CPT2: variants seen among roughly 807,000 people sequenced by gnomAD.
CPT2 encodes the protein carnitine O-palmitoyltransferase 2, mitochondrial.
In CPT2, 37 loss-of-function variants were observed where a neutral mutation model predicts 48.6. The ratio of observed to expected loss-of-function variants is 0.76; its 90% CI spans 0.59 to 1.00. The LOEUF is 1.00. Ranked by LOEUF, CPT2 falls within the 50% of genes least tolerant of loss-of-function variation. CPT2 has a pLI of 0.00. For synonymous variants in CPT2, 319 were observed against 326.9 expected, an observed-to-expected ratio of 0.98 and a Z score of 0.26; for missense variants, 772 against 825.6, an observed-to-expected ratio of 0.94 and a Z score of 0.80.
Position 53,213,850 on chromosome 1 carries a change from C to A in CPT2, c.*255C>A. 2.3e-6 allele frequency: 1 copy of A among 443,144 alleles called. No homozygotes were observed. Among genetic ancestry groups the A allele is most frequent in the Non-Finnish European group, 4.2e-6 (1 of 238,480 alleles). 27.5% of individuals were successfully genotyped at this position (443,144 alleles called of 1,614,324 possible). ...AGGTTGAAGCAGAATTGCTTGAACCCAGGAGGTGGAGGTTGCAGTGAGCTG... is the reference window on the plus strand; with the variant it reads ...AGGTTGAAGCAGAATTGCTTGAACCAAGGAGGTGGAGGTTGCAGTGAGCTG... On this transcript the variant is annotated 3_prime_UTR_variant, in exon 5 of 5. Transcript: ENST00000371486.
In CPT2 at chr1:53,211,557, T is replaced by G. The variant is rs1227915657; in HGVS notation, c.1645+238T>G. 6 of 548,036 alleles carry G rather than the reference T, an allele frequency of 1.1e-5. No individual in the cohort carries two copies. In the Admixed American group the frequency reaches 1.9e-4, roughly 18 times the overall value. The allele number at this position is 548,036 out of a possible 1,614,324, so 33.9% of individuals were successfully genotyped here. ...GAAATGCATGTGTCTTTGTCCTCAT[T>G]TAAGGTCACTTTCAGCTGTGACGCA... On this transcript the variant is annotated intron_variant, in intron 4 of 4. Transcript: ENST00000371486.
At position 53,213,676 on chromosome 1, in the gene CPT2, C is replaced by T. The variant is rs1035232426; in HGVS notation, c.*81C>T. ...GGGCATGGTGGCTCATGCCTGTAATCCCAGCATTTTGAGAGGCTGAGGCGG... is the reference window on the plus strand; with the variant it reads ...GGGCATGGTGGCTCATGCCTGTAATTCCAGCATTTTGAGAGGCTGAGGCGG... On this transcript the variant is annotated 3_prime_UTR_variant, in exon 5 of 5. Transcript: ENST00000371486. 12 of 1,315,490 alleles carry T rather than the reference C, an allele frequency of 9.1e-6. No homozygotes were observed. The highest frequency in any genetic ancestry group is 1.3e-5 in the Non-Finnish European group (12 of 938,596). The allele number at this position is 1,315,490 out of a possible 1,614,324, so 81.5% of individuals were successfully genotyped here.
chr1:53,207,484 C>G (rs994273647), intron 3 of CPT2: 3 of 152,144 alleles, frequency 2.0e-5, no homozygotes, highest in Non-Finnish European at 2.9e-5. Context: ...TTTTTTGAGA[C>G]AGAGTCTCAT....
chr1:53,212,926 T>C (rs1645439001), intron 4 of CPT2: 2 of 494,188 alleles, frequency 4.0e-6, no homozygotes, highest in Non-Finnish European at 7.1e-6. Flanking sequence ...TTTATTGTAG[T>C]TTTTGAGTCC....
At chr1:53,204,859 C>T (rs1305535354) in intron 3 of CPT2, among the ~76,000 whole-genome samples, 3 of 152,204 alleles carry the variant, frequency 2.0e-5, no homozygotes, top group Non-Finnish European at 4.4e-5. Context: ...ATGTGCCTTG[C>T]TTCCCCTTCA....
chr1:53,206,834 G>C (rs955591666), intron 3 of CPT2, among the ~76,000 whole-genome samples: 1 of 152,234 alleles, frequency 6.6e-6, no homozygotes, highest in Non-Finnish European at 1.5e-5. Flanking sequence ...GCTGGAATGA[G>C]TTAAGACTCT....
At position 53,196,836 on chromosome 1, in the gene CPT2, C is replaced by T. The variant is rs1015172806; in HGVS notation, c.-108C>T. 70 of 1,403,238 alleles carry T rather than the reference C, an allele frequency of 5.0e-5. No individual in the cohort carries two copies. Among genetic ancestry groups the T allele is most frequent in the Non-Finnish European group, 6.2e-5 (64 of 1,036,202 alleles). The allele number at this position is 1,403,238 out of a possible 1,614,324, so 86.9% of individuals were successfully genotyped here. A position where few individuals can be genotyped will look rare whatever the true frequency, so the allele number is the denominator to read the frequency against. On this transcript the variant is annotated 5_prime_UTR_variant, in exon 1 of 5. Transcript: ENST00000371486. ...GTGGCCTGCGGGCGGAGAAGTGCCT[C>T]AGGAGTCCTGACGCAGTGTCTTGGG...
chr1:53,203,775 C>CTTTCTTTTTT (rs1557714559), intron 3 of CPT2: 1 of 66,860 alleles, frequency 1.5e-5, no homozygotes, highest in Non-Finnish European at 4.0e-5. Flanking sequence ...TTGGCTTTTT[C>CTTTCTTTTTT]TTTTTCTTTT....
Position 53,210,348 on chromosome 1 carries a change from G to GT in CPT2, c.677dup (p.Leu226PhefsTer8). ...TATTTTCGGCTTTTCAACTCAACTC[G>GT]TTTACCCAAACCCAGTCGGGATGAA... On this transcript the variant is annotated frameshift_variant, in exon 4 of 5. Transcript: ENST00000371486. LOFTEE classifies it high-confidence loss of function. 1 of 1,614,054 alleles carries GT rather than the reference G, an allele frequency of 6.2e-7. No homozygotes were observed. Among genetic ancestry groups the GT allele is most frequent in the Non-Finnish European group, 8.5e-7 (1 of 1,180,044 alleles).
rs764849762 is a variant in CPT2, at chr1:53,210,561, G to A, written c.887G>A (p.Arg296Gln). The change falls in exon 4 of 5, where the codon CGA becomes CAA. Residue 296 changes from arginine to glutamine, a missense_variant. Coordinates refer to ENST00000371486, the MANE Select transcript of CPT2 (RefSeq NM_000098.3). The part of the protein sequence containing the change: ...FPLAYLTSEN[R>Q]DIWAELRQKL... ...CTGGCATACCTGACCAGTGAGAACC[G>A]AGACATCTGGGCAGAGCTCAGGCAG... The A allele has an allele frequency of 4.3e-5, 69 of 1,614,006 alleles. No individual in the cohort carries two copies. The highest frequency in any genetic ancestry group is 5.3e-5 in the Non-Finnish European group (63 of 1,180,036).
chr1:53,207,878 T>C (rs1645398199), intron 3 of CPT2: 3 of 152,340 alleles, frequency 2.0e-5, no homozygotes, highest in South Asian at 4.1e-4. Flanking sequence ...TGTATCTAGG[T>C]TGCCAATTAC....
At chr1:53,209,927 T>C (rs1645410511) in intron 3 of CPT2, 88 bp from the exon 4 acceptor site, 2 of 1,132,762 alleles carry the variant, frequency 1.8e-6, no homozygotes, top group African/African-American at 1.6e-5. Context: ...ATTTCCTTTG[T>C]CTATGCTTGA....
At chr1:53,209,746 A>G (rs1458364430) in intron 3 of CPT2, 6 of 436,766 alleles carry the variant, frequency 1.4e-5, no homozygotes, top group Non-Finnish European at 2.1e-5. Context: ...ACTGTTCTCC[A>G]GCCTGGGCGA....
Position 53,196,938 on chromosome 1 carries a change from G to A in CPT2, c.-6G>A. On this transcript the variant is annotated 5_prime_UTR_variant, in exon 1 of 5. Coordinates refer to ENST00000371486, the MANE Select transcript of CPT2 (RefSeq NM_000098.3). The stretch of plus-strand genomic sequence containing the variant: ...CGCGTTCTCGCCGCCGCAGGCTCCC[G>A]GGACGATGGTGCCCCGCCTGCTGCT... 2.6e-6 allele frequency: 4 copies of A among 1,544,988 alleles called. No individual in the cohort carries two copies. The highest frequency in any genetic ancestry group is 3.5e-6 in the Non-Finnish European group (4 of 1,154,446).
In CPT2 at chr1:53,200,679, A is replaced by G. The variant is rs781227886; in HGVS notation, c.153-40A>G. On this transcript the variant is annotated intron_variant, in intron 1 of 4. Coordinates refer to ENST00000371486, the MANE Select transcript of CPT2 (RefSeq NM_000098.3). ...CTTGTAAAGCTAATTAACCTCTTCC[A>G]TATACTGTCAGCCTTACACTGACCC... is the stretch of plus-strand genomic sequence containing the variant. 5.5e-6 allele frequency: 8 copies of G among 1,459,378 alleles called. No individual in the cohort carries two copies. The Admixed American group carries it at 8.4e-5, about 15-fold the overall frequency. 90.4% of individuals were successfully genotyped at this position (1,459,378 alleles called of 1,614,324 possible). A position where few individuals can be genotyped will look rare whatever the true frequency, so the allele number is the denominator to read the frequency against.
At chr1:53,203,601 C>T (rs529867371) in intron 3 of CPT2, 5 of 152,228 alleles carry the variant, frequency 3.3e-5, no homozygotes, top group South Asian at 2.1e-4. Flanking sequence ...GTCTTCTTGA[C>T]GAAACTTCTT....
At chr1:53,198,536 G>T (rs1408072117) in intron 1 of CPT2, among the ~76,000 whole-genome samples, 1 of 152,242 alleles carries the variant, frequency 6.6e-6, no homozygotes, top group East Asian at 1.9e-4. Flanking sequence ...GTCAACCTGT[G>T]TGTATGAGCT....
chr1:53,210,885 C>T lies in CPT2; in HGVS notation c.1211C>T (p.Ala404Val). 1 of 1,614,224 alleles carries T rather than the reference C, an allele frequency of 6.2e-7. No individual in the cohort carries two copies. The highest frequency in any genetic ancestry group is 8.5e-7 in the Non-Finnish European group (1 of 1,180,046). The part of the protein sequence containing the change: ...TPAVTPQSQP[A>V]TTDSTVTVQK... ...GCCGTCACTCCACAGAGCCAGCCAG[C>T]TACCACTGACTCTACTGTCACGGTG... Residue 404 changes from alanine to valine, a missense_variant, in exon 4 of 5, where the codon GCT (alanine) becomes GTT (valine). Physicochemically the swap from Ala to Val is moderately conservative, Grantham distance 64 (BLOSUM62 0). Transcript: ENST00000371486.
chr1:53,200,667 T>C (rs1253133363), intron 1 of CPT2, 52 bp from the exon 2 acceptor site: 1 of 1,361,062 alleles, frequency 7.3e-7, no homozygotes, highest in Non-Finnish European at 1.1e-6. Flanking sequence ...GTAAAGCTAA[T>C]TAACCTCTTC....
Sources: gnomAD v4.1 joint callset for allele counts (sites outside exome capture counted in the v4.1 genomes callset) on GRCh38, gnomAD v4.1.1 for gene constraint, MANE v1.5 for transcripts, NCBI Gene and HGNC (gene_info 2026-07-23, HGNC 2026-07-21) for gene names.